The following CEP63 variants were observed in gnomAD, a reference collection of about 807,000 sequenced individuals.
The protein encoded by CEP63 is centrosomal protein of 63 kDa.
A neutral mutation model predicts 89.1 loss-of-function variants in CEP63; 84 were observed. That is an observed-to-expected ratio of 0.94 (90% confidence interval 0.79 to 1.13). The LOEUF is 1.13. CEP63 is among the 50% of genes most tolerant of loss of function. The pLI is 0.00. For missense variants in CEP63, 838 were observed against 813.3 expected (o/e 1.03, Z -0.37); for synonymous variants, 267 against 272.5 (o/e 0.98, Z 0.20).
At chr3:134,730,068 C>A in the CEP63 span, among the ~76,000 whole-genome samples, 8 of 152,188 alleles carry the variant, frequency 5.3e-5, no homozygotes, top group Non-Finnish European at 5.9e-5. Flanking sequence ...GAAGAGCCAC[C>A]TTGCTTCCTG....
At chr3:134,666,740 A>T in the CEP63 span, among the ~76,000 whole-genome samples, 1 of 152,152 alleles carries the variant, frequency 6.6e-6, no homozygotes, top group South Asian at 2.1e-4. Flanking sequence ...GGCAAAAAAG[A>T]CACATGACTC....
At chr3:134,607,646 G>A in the CEP63 span, 7 of 985,660 alleles carry the variant, frequency 7.1e-6, no homozygotes, top group South Asian at 3.3e-4. Context: ...TCCAGAGAAG[G>A]CCCTGCTTTT....
the CEP63 span, among the ~76,000 whole-genome samples, chr3:134,756,731 C>T: frequency 6.6e-6 from 1 of 152,106 alleles, no homozygotes; most frequent in Non-Finnish European, 1.5e-5. Context: ...CTATCTAATA[C>T]ATTTGAGAAA....
chr3:134,618,434 T>A, the CEP63 span, among the ~76,000 whole-genome samples: 3,684 of 152,230 alleles, frequency 0.024, 67 homozygotes, highest in South Asian at 0.054. Context: ...GGGGAGGGGT[T>A]CTTTGATGGC....
the CEP63 span, among the ~76,000 whole-genome samples, chr3:134,614,927 A>G: frequency 1.3e-5 from 2 of 152,172 alleles, no homozygotes; most frequent in Non-Finnish European, 2.9e-5. Flanking sequence ...CAAGTGAGGG[A>G]AAAAGGGAGG....
chr3:134,622,264 A>C, the CEP63 span, among the ~76,000 whole-genome samples: 1 of 152,220 alleles, frequency 6.6e-6, no homozygotes, highest in Non-Finnish European at 1.5e-5. Flanking sequence ...TTGTTTCCCC[A>C]ATGTTCATTG....
chr3:134,698,587 A>T, the CEP63 span, among the ~76,000 whole-genome samples: 1 of 152,182 alleles, frequency 6.6e-6, no homozygotes, highest in Non-Finnish European at 1.5e-5. Flanking sequence ...GGCAGAGATT[A>T]TTGAGAGGTG....
At chr3:134,674,899 A>G in the CEP63 span, among the ~76,000 whole-genome samples, 1 of 152,224 alleles carries the variant, frequency 6.6e-6, no homozygotes, top group Admixed American at 6.5e-5. Context: ...AAGATCTTCA[A>G]AAGAAAAGGC....
At chr3:134,776,234 T>C in the CEP63 span, among the ~76,000 whole-genome samples, 1 of 152,306 alleles carries the variant, frequency 6.6e-6, no homozygotes, top group South Asian at 2.1e-4. Flanking sequence ...CAGCAGCTGG[T>C]TCTGGGGAAG....
exon 11 of CEP63, among the ~76,000 whole-genome samples, chr3:134,587,768 C>T (rs1018266095): frequency 5.3e-5 from 8 of 151,914 alleles, no homozygotes; most frequent in African/African-American, 1.7e-4. Context: ...CTGTCTTCTC[C>T]ATCGATCACG....
At chr3:134,710,729 T>TC in the CEP63 span, among the ~76,000 whole-genome samples, 1 of 148,610 alleles carries the variant, frequency 6.7e-6, no homozygotes, top group African/African-American at 2.4e-5. Flanking sequence ...TTTCTTTCTT[T>TC]TTTTTTTTTT....
chr3:134,516,745 A>C (rs1946336975), intron 3 of CEP63, among the ~76,000 whole-genome samples: 1 of 152,204 alleles, frequency 6.6e-6, no homozygotes, highest in Admixed American at 6.5e-5. Context: ...TGTTTCAGGG[A>C]GCACAGGGTT....
chr3:134,667,662 C>T, the CEP63 span, among the ~76,000 whole-genome samples: 1 of 152,218 alleles, frequency 6.6e-6, no homozygotes, highest in Non-Finnish European at 1.5e-5. Context: ...TGTGGCCGCT[C>T]CCACAGTGGT....
At chr3:134,736,126 T>C in the CEP63 span, among the ~76,000 whole-genome samples, 31 of 152,140 alleles carry the variant, frequency 2.0e-4, no homozygotes, top group Non-Finnish European at 4.4e-4. Flanking sequence ...ATTTATGAAA[T>C]TCACTACACT....
chr3:134,644,120 C>T, the CEP63 span, among the ~76,000 whole-genome samples: 2 of 152,192 alleles, frequency 1.3e-5, no homozygotes, highest in Non-Finnish European at 2.9e-5. Flanking sequence ...CCACCGCGCC[C>T]GGCCGAGCCT....
At chr3:134,772,066 G>A in the CEP63 span, among the ~76,000 whole-genome samples, 8 of 152,310 alleles carry the variant, frequency 5.3e-5, no homozygotes, top group African/African-American at 1.9e-4. Flanking sequence ...TCTTCATGCT[G>A]GAAACTAGAT....
At chr3:134,648,937 T>TTA in the CEP63 span, among the ~76,000 whole-genome samples, 2 of 152,258 alleles carry the variant, frequency 1.3e-5, no homozygotes, top group Non-Finnish European at 2.9e-5. Flanking sequence ...AGAGTTTGTT[T>TTA]TATATCTTGC....
chr3:134,686,117 G>T, the CEP63 span, among the ~76,000 whole-genome samples: 1 of 152,202 alleles, frequency 6.6e-6, no homozygotes, highest in African/African-American at 2.4e-5. Context: ...GTGGGAAAGA[G>T]CATGGAAAGA....
At chr3:134,775,641 C>T in the CEP63 span, among the ~76,000 whole-genome samples, 1 of 152,136 alleles carries the variant, frequency 6.6e-6, no homozygotes, top group African/African-American at 2.4e-5. Flanking sequence ...GCACCCTAAT[C>T]TCTGTCTCAG....
Sources: allele counts gnomAD v4.1 joint callset (sites outside exome capture counted in the v4.1 genomes callset), GRCh38; gene constraint gnomAD v4.1.1; transcripts MANE v1.5; gene names NCBI Gene and HGNC (gene_info 2026-07-23, HGNC 2026-07-21).